Variants in ATP5F1A observed in about 807,000 individuals in gnomAD.
ATP5F1A encodes ATP synthase F(1) complex subunit alpha, mitochondrial.
A neutral mutation model predicts 57.4 loss-of-function variants in ATP5F1A; 24 were observed. That is an observed-to-expected ratio of 0.42 (90% confidence interval 0.30 to 0.59). ATP5F1A has a LOEUF of 0.59. ATP5F1A is among the 20% of genes least tolerant of loss of function. The pLI is 0.19. For missense variants in ATP5F1A, 494 were observed against 707.9 expected, an observed-to-expected ratio of 0.70 and a Z score of 3.43; for synonymous variants, 251 against 255.5, an observed-to-expected ratio of 0.98 and a Z score of 0.17.
upstream of ATP5F1A, among the ~76,000 whole-genome samples, chr18:46,101,124 C>G (rs1030186150): frequency 6.6e-6 from 1 of 152,140 alleles, no homozygotes; most frequent in Admixed American, 6.6e-5. Context: ...GTTTCAGCAG[C>G]CAGGCTTACA....
upstream of ATP5F1A, among the ~76,000 whole-genome samples, chr18:46,099,778 GGCTTA>G (rs1427238830): frequency 6.6e-6 from 1 of 152,102 alleles, no homozygotes; most frequent in Admixed American, 6.6e-5. Flanking sequence ...CCCAAATCCT[GGCTTA>G]CACCTAGAAC....
intron 10 of ATP5F1A, chr18:46,085,210 T>G (rs1909991939): frequency 1.4e-5 from 2 of 147,676 alleles, no homozygotes; most frequent in South Asian, 4.3e-4. Context: ...CCACTTAAGG[T>G]CAGGGGTTCA....
Position 46,084,298 on chromosome 18 carries a change from G to A in ATP5F1A, c.1646C>T (p.Ala549Val). ...KLKEIVTNFLAGFEA is the reference protein window; with the variant it reads ...KLKEIVTNFLVGFEA ...CACAGGAGTTTAAGCTTCAAATCCA[G>A]CCAAGAAATTTGTTACAATCTCTTT... is the stretch of plus-strand genomic sequence containing the variant. Residue 549 changes from alanine (A) to valine (V), a missense_variant, in exon 12 of 12, where the codon GCT becomes GTT. This residue lies in a region of ATP5F1A where 127 missense variants were observed against 195.2 expected (regional missense o/e 0.65). Coordinates refer to ENST00000398752, the MANE Select transcript of ATP5F1A (RefSeq NM_004046.6). 6.2e-7 allele frequency: 1 copy of A among 1,612,522 alleles called. No homozygotes were observed. The highest frequency in any genetic ancestry group is 8.5e-7 in the Non-Finnish European group (1 of 1,179,790).
rs1357343570 is a variant in ATP5F1A at position 46,086,201 on chromosome 18, G to C, written c.1341C>G (p.Ala447=). 6.2e-7 allele frequency: 1 copy of C among 1,612,844 alleles called. No homozygotes were observed. The highest frequency in any genetic ancestry group is 1.3e-5 in the African/African-American group (1 of 74,966). ...LAQYREVAAF[A]QFGSDLDAAT... ...CAGCATCGAGGTCAGAACCGAACTGGGCAAAAGCAGCAACCTCACGATACT... is the reference window on the plus strand; with the variant it reads ...CAGCATCGAGGTCAGAACCGAACTGCGCAAAAGCAGCAACCTCACGATACT... The change falls in exon 10 of 12, where the codon GCC becomes GCG. Residue 447 remains alanine, a synonymous_variant. Transcript: ENST00000398752.
chr18:46,095,202 T>C (rs901290300), intron 1 of ATP5F1A, 71 bp from the exon 2 acceptor site: 1 of 1,449,916 alleles, frequency 6.9e-7, no homozygotes, highest in African/African-American at 1.4e-5. Flanking sequence ...CTTAAACAAA[T>C]GCCAGCTTAG....
At chr18:46,093,442 C>G (rs1303570724) in intron 2 of ATP5F1A, 2 of 151,926 alleles carry the variant, frequency 1.3e-5, no homozygotes, top group African/African-American at 4.8e-5. Context: ...GAGGCTGAGG[C>G]AGGAGAGAAT....
At chr18:46,095,008 T>C in intron 2 of ATP5F1A, 45 bp downstream of exon 2, 2 of 1,549,372 alleles carry the variant, frequency 1.3e-6, no homozygotes, top group Non-Finnish European at 1.7e-6. Context: ...GTAATTTATA[T>C]CTTCATCTAG....
chr18:46,100,815 G>A (rs1396328326), upstream of ATP5F1A, among the ~76,000 whole-genome samples: 2 of 152,230 alleles, frequency 1.3e-5, no homozygotes, highest in African/African-American at 4.8e-5. Context: ...GCTCACGCCT[G>A]TAATCCCAGC....
chr18:46,084,738 C>G, intron 10 of ATP5F1A, 84 bp from the exon 11 acceptor site: 5 of 1,369,606 alleles, frequency 3.7e-6, no homozygotes, highest in Non-Finnish European at 3.9e-6. Flanking sequence ...CTTACTTTTT[C>G]TCCAATTCCT....
chr18:46,080,858 A>C lies in ATP5F1A; in HGVS notation c.*3424T>G, dbSNP rs1166987108. On this transcript the variant is annotated 3_prime_UTR_variant, in exon 12 of 12. Transcript: ENST00000398752. The stretch of plus-strand genomic sequence containing the variant: ...ACTGTGCCTGGCGTGGGCCAGGCAC[A>C]GTGGCTCACGCCTGTAATCCCAGCA... 6.6e-6 allele frequency: 1 copy of C among 151,800 alleles called. No homozygotes were observed. Among genetic ancestry groups the C allele is most frequent in the African/African-American group, 2.4e-5 (1 of 41,394 alleles). The allele number at this position is 151,800 out of a possible 1,614,324, so 9.4% of individuals were successfully genotyped here. A position where few individuals can be genotyped will look rare whatever the true frequency, so the allele number is the denominator to read the frequency against.
Position 46,084,197 on chromosome 18 carries a change from A to G in ATP5F1A, c.*85T>C. 1.8e-6 allele frequency: 2 copies of G among 1,137,696 alleles called. No homozygotes were observed. Among genetic ancestry groups the G allele is most frequent in the Non-Finnish European group, 2.6e-6 (2 of 782,370 alleles). The allele number at this position is 1,137,696 out of a possible 1,614,324, so 70.5% of individuals were successfully genotyped here. On this transcript the variant is annotated 3_prime_UTR_variant, in exon 12 of 12. Transcript: ENST00000398752. ...CATGTGATTTCTGTACATAAGGAGTATGAGAGTAACCCTTTTACAAATGGA... is the reference window on the plus strand; with the variant it reads ...CATGTGATTTCTGTACATAAGGAGTGTGAGAGTAACCCTTTTACAAATGGA...
chr18:46,091,702 C>T lies in ATP5F1A; in HGVS notation c.289G>A (p.Glu97Lys), dbSNP rs756361407. ...TTTACCTTTAAGCCTGAAGAAAACT[C>T]TACCATTTCTTCTGCTTGAACATTC... ...LRNVQAEEMV[E>K]FSSGLKGMSL... The change falls in exon 3 of 12, where the codon GAG (glutamate) becomes AAG (lysine). Residue 97 changes from glutamate to lysine, a missense_variant. Around this residue, in one of 6 missense-constraint regions of ATP5F1A, gnomAD observed 142 missense variants for 137.5 expected, o/e 1.03. Coordinates refer to ENST00000398752, the MANE Select transcript of ATP5F1A (RefSeq NM_004046.6). 6.2e-7 allele frequency: 1 copy of T among 1,606,568 alleles called. No individual in the cohort carries two copies. Among genetic ancestry groups the T allele is most frequent in the South Asian group, 1.1e-5 (1 of 89,526 alleles).
At position 46,089,684 on chromosome 18, in the gene ATP5F1A, C is replaced by T. The variant is rs773622957; in HGVS notation, c.532G>A (p.Gly178Ser). The T allele has an allele frequency of 9.9e-6, 16 of 1,614,240 alleles. No individual in the cohort carries two copies. The highest frequency in any genetic ancestry group is 2.2e-5 in the South Asian group (2 of 91,084). Residue 178 changes from glycine (G) to serine (S), a missense_variant, in exon 5 of 12, where the codon GGT becomes AGT. This residue lies in a region of ATP5F1A where 191 missense variants were observed against 267.7 expected (regional missense o/e 0.71). Transcript: ENST00000398752. Reference protein sequence around the residue: ...TRRRVGLKAPGIIPRISVREP... With the variant: ...TRRRVGLKAPSIIPRISVREP... The stretch of plus-strand genomic sequence containing the variant: ...CGCACTGAAATTCGAGGAATGATAC[C>T]GGGGGCTTTCAGACCAACTCGCCTA...
rs188588885 is a variant in ATP5F1A, at chr18:46,084,383, G to A, written c.1581-20C>T. 4.5e-4 allele frequency: 729 copies of A among 1,607,288 alleles called. 2 individuals are homozygous for A. The highest frequency in any genetic ancestry group is 1.0e-3 in the Admixed American group (60 of 58,544). ...TCAGCCCTATTTGGAAATAAAAGCAGGTCGTAAGTTCTGACCTGGAAAAAG... is the reference window on the plus strand; with the variant it reads ...TCAGCCCTATTTGGAAATAAAAGCAAGTCGTAAGTTCTGACCTGGAAAAAG... On this transcript the variant is annotated intron_variant, in intron 11 of 11. Transcript: ENST00000398752.
intron 1 of ATP5F1A, among the ~76,000 whole-genome samples, chr18:46,095,881 TAC>T (rs1244627413): frequency 6.6e-6 from 1 of 151,768 alleles, no homozygotes; most frequent in Non-Finnish European, 1.5e-5. Context: ...AATATATATA[TAC>T]ACACACATTT....
At chr18:46,086,006 G>C (rs1330329008) in intron 10 of ATP5F1A, 107 bp downstream of exon 10, 2 of 1,217,546 alleles carry the variant, frequency 1.6e-6, no homozygotes, top group Admixed American at 2.8e-5. Flanking sequence ...AAAGATAACA[G>C]ATAACAACAC....
At chr18:46,088,296 TA>T in intron 5 of ATP5F1A, 39 bp from the exon 6 acceptor site, 16 of 1,511,046 alleles carry the variant, frequency 1.1e-5, no homozygotes, top group Non-Finnish European at 1.3e-5. Flanking sequence ...TTCCTAAACT[TA>T]AAAGGACTTC....
chr18:46,089,406 G>C (rs923195868), intron 5 of ATP5F1A, 160 bp downstream of exon 5: 2 of 800,310 alleles, frequency 2.5e-6, no homozygotes, highest in Non-Finnish European at 3.9e-6. Flanking sequence ...CCACAGGTGT[G>C]GAGGGGCTGG....
intron 3 of ATP5F1A, among the ~76,000 whole-genome samples, chr18:46,090,565 T>A (rs1022669703): frequency 1.3e-5 from 2 of 152,198 alleles, no homozygotes; most frequent in East Asian, 3.8e-4. Flanking sequence ...ATATTTTAGA[T>A]CTTTAAATCA....
Sources: gnomAD v4.1 joint callset for allele counts (sites outside exome capture counted in the v4.1 genomes callset) on GRCh38, gnomAD v4.1.1 for gene constraint, gnomAD v4.1.1 regional missense constraint, MANE v1.5 for transcripts, NCBI Gene and HGNC (gene_info 2026-07-23, HGNC 2026-07-21) for gene names.